The following SLCO6A1 variants were observed in gnomAD, a reference collection of about 807,000 sequenced individuals.
SLCO6A1 encodes the protein solute carrier organic anion transporter family member 6A1, also known as cancer/testis antigen 48.
A neutral mutation model predicts 72.7 loss-of-function variants in SLCO6A1; 65 were observed. That is an observed-to-expected ratio of 0.89 (90% confidence interval 0.73 to 1.10). The LOEUF is 1.10. Ranked by LOEUF, SLCO6A1 falls within the 50% of genes least tolerant of loss-of-function variation. The probability of loss-of-function intolerance (pLI) is 0.00; values close to 1 mark genes in which losing one functional copy is unlikely to be tolerated. For synonymous variants in SLCO6A1, 314 were observed against 298.2 expected (o/e 1.05, Z -0.55); for missense variants, 874 against 872.6 (o/e 1.00, Z -0.02).
intron 9 of SLCO6A1, among the ~76,000 whole-genome samples, chr5:102,406,417 A>T (rs1282572338): frequency 6.6e-6 from 1 of 152,124 alleles, no homozygotes; most frequent in East Asian, 1.9e-4. Flanking sequence ...CATCAAAAAG[A>T]TGTGACAATT....
chr5:102,491,977 A>G (rs545563877), intron 1 of SLCO6A1, among the ~76,000 whole-genome samples: 2 of 152,366 alleles, frequency 1.3e-5, no homozygotes, highest in South Asian at 4.1e-4. Context: ...GAAGCTTACA[A>G]TCATTGTGGA....
chr5:102,395,760 G>A (rs1019406482), intron 10 of SLCO6A1, among the ~76,000 whole-genome samples: 2 of 152,134 alleles, frequency 1.3e-5, no homozygotes, highest in Admixed American at 1.3e-4. Flanking sequence ...GTATCTCACT[G>A]TGGTTTTGAT....
chr5:102,476,348 C>T (rs1348704366), intron 3 of SLCO6A1, among the ~76,000 whole-genome samples: 2 of 152,110 alleles, frequency 1.3e-5, no homozygotes, highest in East Asian at 1.9e-4. Context: ...TAGGGCAGGC[C>T]AGCAGGCTGG....
At chr5:102,381,924 C>G (rs1310627150) in intron 12 of SLCO6A1, among the ~76,000 whole-genome samples, 1 of 151,302 alleles carries the variant, frequency 6.6e-6, no homozygotes, top group Non-Finnish European at 1.5e-5. Flanking sequence ...TATTTCTTTA[C>G]TTACTAATAA....
intron 8 of SLCO6A1, among the ~76,000 whole-genome samples, chr5:102,419,001 A>T (rs1748442875): frequency 6.6e-6 from 1 of 151,974 alleles, no homozygotes; most frequent in Non-Finnish European, 1.5e-5. Flanking sequence ...TATGTCTATT[A>T]AAATTCTTGT....
At chr5:102,447,138 T>A (rs1750156757) in intron 6 of SLCO6A1, among the ~76,000 whole-genome samples, 1 of 152,232 alleles carries the variant, frequency 6.6e-6, no homozygotes. Context: ...GCTTTTGTTT[T>A]TAGTTCTGTT....
At chr5:102,434,658 C>CAG (rs1561458402) in intron 7 of SLCO6A1, among the ~76,000 whole-genome samples, 2 of 152,170 alleles carry the variant, frequency 1.3e-5, no homozygotes, top group African/African-American at 4.8e-5. Flanking sequence ...GGGATGCTAA[C>CAG]AGAGACGTGG....
chr5:102,493,074 A>G (rs1752754495), intron 1 of SLCO6A1, among the ~76,000 whole-genome samples: 1 of 152,214 alleles, frequency 6.6e-6, no homozygotes, highest in African/African-American at 2.4e-5. Context: ...ATTAAAAAAA[A>G]TACTACACAA....
At chr5:102,389,011 A>G (rs1361522586) in intron 11 of SLCO6A1, among the ~76,000 whole-genome samples, 186 bp from the exon 12 acceptor site, 2 of 152,206 alleles carry the variant, frequency 1.3e-5, no homozygotes, top group East Asian at 3.8e-4. Flanking sequence ...TTCAAAAACA[A>G]TCCATATCCC....
chr5:102,476,467 T>C (rs1290085512), intron 3 of SLCO6A1, among the ~76,000 whole-genome samples: 1 of 152,122 alleles, frequency 6.6e-6, no homozygotes, highest in Non-Finnish European at 1.5e-5. Flanking sequence ...CTCATCCACA[T>C]TATGAAATCA....
intron 1 of SLCO6A1, among the ~76,000 whole-genome samples, chr5:102,489,177 G>A (rs1393870907): frequency 6.6e-6 from 1 of 152,188 alleles, no homozygotes; most frequent in African/African-American, 2.4e-5. Flanking sequence ...AGCAAAGTGG[G>A]TGGTTTTTAA....
chr5:102,400,370 A>G (rs547415079), intron 9 of SLCO6A1, among the ~76,000 whole-genome samples: 22 of 152,120 alleles, frequency 1.4e-4, no homozygotes, highest in Admixed American at 5.2e-4. Flanking sequence ...TTTCACACCA[A>G]TGTGGTGTAG....
At chr5:102,471,747 A>ATT (rs1357116160) in intron 4 of SLCO6A1, among the ~76,000 whole-genome samples, 3 of 152,052 alleles carry the variant, frequency 2.0e-5, no homozygotes, top group Non-Finnish European at 4.4e-5. Flanking sequence ...ATCACTCAGA[A>ATT]TCCTGGTAGA....
intron 8 of SLCO6A1, among the ~76,000 whole-genome samples, chr5:102,414,539 C>T (rs1405705416): frequency 6.6e-6 from 1 of 152,164 alleles, no homozygotes. Context: ...AGTAAAGTTT[C>T]AGTGTAGAAA....
intron 6 of SLCO6A1, among the ~76,000 whole-genome samples, chr5:102,452,202 G>A (rs78127025): frequency 0.058 from 8,877 of 152,074 alleles, 857 homozygotes; most frequent in African/African-American, 0.2. Flanking sequence ...AAACTTACAC[G>A]TGAGATGAAG....
chr5:102,414,816 A>G (rs1748183931), intron 8 of SLCO6A1, among the ~76,000 whole-genome samples: 1 of 152,104 alleles, frequency 6.6e-6, no homozygotes, highest in Non-Finnish European at 1.5e-5. Flanking sequence ...AATTGCTTGA[A>G]CCAGGGAAGT....
At chr5:102,384,026 T>C (rs1039863446) in intron 12 of SLCO6A1, among the ~76,000 whole-genome samples, 14 of 151,886 alleles carry the variant, frequency 9.2e-5, no homozygotes, top group Non-Finnish European at 2.1e-4. Flanking sequence ...TAACTTTCAA[T>C]GTGTTATCTT....
rs1750626652 is a variant in SLCO6A1 at position 102,455,009 on chromosome 5, T to TATATATATATATATATATAA, written c.1131+3353_1131+3372dup. ...ACCAGTATAACAAAATATATATAAATATATATATATATATATATAAATTAT... is the reference window on the plus strand; with the variant it reads ...ACCAGTATAACAAAATATATATAAATATATATATATATATATATAAATATATATATATATATATAAATTAT... On this transcript the variant is annotated intron_variant, in intron 6 of 13. Transcript: ENST00000506729. 7.1e-5 allele frequency among the ~76,000 whole-genome samples: 6 copies of TATATATATATATATATATAA among 84,498 alleles called. No individual in the cohort carries two copies. The South Asian group carries it at 2.4e-3, about 34-fold the overall frequency. 55.4% of individuals were successfully genotyped at this position (84,498 alleles called of 152,430 possible).
rs551061418 is a variant in SLCO6A1 at position 102,458,061 on chromosome 5, T to C, written c.1131+321A>G. Among the ~76,000 whole-genome samples, 11 of 146,874 alleles carry C rather than the reference T, an allele frequency of 7.5e-5. No individual in the cohort carries two copies. In the East Asian group the frequency reaches 1.8e-3, roughly 25 times the overall value. ...GTGGGAATTGAACAATAAGAACACA[T>C]GGACACAGGAAGGGGAACATCACAC... On this transcript the variant is annotated intron_variant, in intron 6 of 13. Transcript: ENST00000506729.
Sources: gnomAD v4.1 joint callset for allele counts (sites outside exome capture counted in the v4.1 genomes callset) on GRCh38, gnomAD v4.1.1 for gene constraint, MANE v1.5 for transcripts, NCBI Gene and HGNC (gene_info 2026-07-23, HGNC 2026-07-21) for gene names.